The following NTM variants were observed in gnomAD, a reference collection of about 807,000 sequenced individuals.
NTM encodes neurotrimin.
In NTM, 13 loss-of-function variants were observed where a neutral mutation model predicts 42.1. The ratio of observed to expected loss-of-function variants is 0.31; its 90% CI spans 0.20 to 0.49. NTM has a LOEUF of 0.49. Ranked by LOEUF, NTM falls within the 20% of genes least tolerant of loss-of-function variation. The pLI is 0.99. For synonymous variants in NTM, 187 were observed against 179.2 expected, an observed-to-expected ratio of 1.04 and a Z score of -0.35; for missense variants, 373 against 452.8, an observed-to-expected ratio of 0.82 and a Z score of 1.60.
At chr11:132,085,076 A>T (rs986397585) in intron 2 of NTM, among the ~76,000 whole-genome samples, 3 of 152,198 alleles carry the variant, frequency 2.0e-5, no homozygotes, top group African/African-American at 7.2e-5. Context: ...TTTTGTTTGC[A>T]AGATTAATTT....
Position 132,142,167 on chromosome 11 carries a change from G to A in NTM, c.168-4115G>A, listed in dbSNP as rs386759054. ...TGCAGGTCTGATCTGGGAACATCCC[G>A]CCCTTTTGATCGCCCATCTCCCACC... On this transcript the variant is annotated intron_variant, in intron 2 of 8. Transcript: ENST00000683400. Among the ~76,000 whole-genome samples the A allele has an allele frequency of 4.3e-4, 65 of 152,290 alleles. 1 individual carries two copies. The highest frequency in any genetic ancestry group is 1.3e-3 in the African/African-American group (52 of 41,542).
intron 2 of NTM, among the ~76,000 whole-genome samples, chr11:132,080,809 G>C (rs2058945691): frequency 6.6e-6 from 1 of 152,188 alleles, no homozygotes; most frequent in Non-Finnish European, 1.5e-5. Flanking sequence ...TTCATATGAT[G>C]CTTTTCTGAG....
intron 1 of NTM, among the ~76,000 whole-genome samples, chr11:131,458,628 A>G (rs1951110896): frequency 6.6e-6 from 1 of 152,192 alleles, no homozygotes; most frequent in African/African-American, 2.4e-5. Flanking sequence ...TGTTACTCAC[A>G]TTTGTGTCTT....
intron 1 of NTM, among the ~76,000 whole-genome samples, chr11:131,641,947 G>A (rs1034772822): frequency 6.6e-6 from 1 of 151,946 alleles, no homozygotes; most frequent in Admixed American, 6.6e-5. Flanking sequence ...GGATGGTCTC[G>A]ATCTCCTGAC....
intron 7 of NTM, among the ~76,000 whole-genome samples, chr11:132,316,071 C>A (rs1307062497): frequency 6.6e-6 from 1 of 152,216 alleles, no homozygotes; most frequent in South Asian, 2.1e-4. Context: ...CCAAGTCCTG[C>A]TCTCCACCCA....
chr11:131,946,692 A>G (rs2060381488), intron 2 of NTM, among the ~76,000 whole-genome samples: 1 of 152,202 alleles, frequency 6.6e-6, no homozygotes, highest in Admixed American at 6.5e-5. Flanking sequence ...TATGTTCCAT[A>G]TATTGATCTG....
intron 1 of NTM, among the ~76,000 whole-genome samples, chr11:131,472,153 G>A (rs1952496452): frequency 6.6e-6 from 1 of 152,132 alleles, no homozygotes; most frequent in South Asian, 2.1e-4. Context: ...TGGCATCAGC[G>A]GGATTCCCTT....
chr11:131,864,487 G>A (rs1207641870), intron 1 of NTM, among the ~76,000 whole-genome samples: 2 of 152,188 alleles, frequency 1.3e-5, no homozygotes, highest in Non-Finnish European at 2.9e-5. Context: ...CCCTCTTGCT[G>A]TAAATGGATT....
At chr11:132,243,159 A>G (rs79592005) in intron 4 of NTM, among the ~76,000 whole-genome samples, 1,841 of 152,308 alleles carry the variant, frequency 0.012, 21 homozygotes, top group African/African-American at 0.034. Context: ...CTTCATATGC[A>G]AATGAAGAGC....
intron 2 of NTM, among the ~76,000 whole-genome samples, chr11:132,000,647 G>A (rs934919655): frequency 1.3e-5 from 2 of 152,154 alleles, no homozygotes; most frequent in Non-Finnish European, 2.9e-5. Context: ...AGTCTGCTTT[G>A]ATCGTTCCTC....
rs77345017 is a variant in NTM at position 132,276,994 on chromosome 11, T to A, written c.527-30695T>A. 6.7e-3 allele frequency among the ~76,000 whole-genome samples: 1,015 copies of A among 152,328 alleles called. 12 individuals carry two copies. Among genetic ancestry groups the A allele is most frequent in the African/African-American group, 0.023 (943 of 41,566 alleles). On this transcript the variant is annotated intron_variant, in intron 4 of 8. Transcript: ENST00000683400. Reference sequence around the variant, plus strand: ...TATATAGAAATACAACTGATTTTTTTATGTTGATTTTGCATTTTGTGACTT... The same window carrying A: ...TATATAGAAATACAACTGATTTTTTAATGTTGATTTTGCATTTTGTGACTT...
At chr11:131,445,831 G>A (rs370085046) in intron 1 of NTM, among the ~76,000 whole-genome samples, 16 of 152,224 alleles carry the variant, frequency 1.1e-4, no homozygotes, top group South Asian at 2.1e-4. Flanking sequence ...AAAACCCACC[G>A]GTCAAATGCA....
intron 3 of NTM, among the ~76,000 whole-genome samples, chr11:132,197,424 A>C (rs2080420088): frequency 6.6e-6 from 1 of 151,792 alleles, no homozygotes; most frequent in African/African-American, 2.4e-5. Flanking sequence ...TATGTAAATA[A>C]TCTAAATTAC....
At chr11:131,634,827 T>C (rs1046284163) in intron 1 of NTM, among the ~76,000 whole-genome samples, 1 of 152,202 alleles carries the variant, frequency 6.6e-6, no homozygotes, top group Non-Finnish European at 1.5e-5. Context: ...TACTTGTAAA[T>C]ATTACAAATA....
chr11:131,594,859 T>C (rs1297739282), intron 1 of NTM, among the ~76,000 whole-genome samples: 1 of 152,204 alleles, frequency 6.6e-6, no homozygotes, highest in Admixed American at 6.5e-5. Context: ...CCATGTACTC[T>C]AAATATTGCA....
rs181239618 is a variant in NTM, at chr11:131,473,419, A to C, written c.82+102531A>C. On this transcript the variant is annotated intron_variant, in intron 1 of 8. Transcript: ENST00000683400. ...TGAATCAATAGGTGAAGGCGTATTC[A>C]TCAGACACAAACTCATGCATTTTTT... Among the ~76,000 whole-genome samples the C allele has an allele frequency of 2.0e-5, 3 of 152,326 alleles. No individual in the cohort carries two copies. The East Asian group carries it at 5.8e-4, about 29-fold the overall frequency.
chr11:131,682,861 C>A (rs2073201760), intron 1 of NTM, among the ~76,000 whole-genome samples: 1 of 151,816 alleles, frequency 6.6e-6, no homozygotes, highest in Admixed American at 6.6e-5. Flanking sequence ...CCGCTGTTTC[C>A]TGGGAAGCAT....
At chr11:131,656,396 G>A (rs887436033) in intron 1 of NTM, among the ~76,000 whole-genome samples, 31 of 152,328 alleles carry the variant, frequency 2.0e-4, no homozygotes, top group South Asian at 1.7e-3. Flanking sequence ...AGCAACTCTC[G>A]CTTTCTTTTC....
chr11:131,550,471 G>A (rs1246004791), intron 1 of NTM, among the ~76,000 whole-genome samples: 1 of 152,126 alleles, frequency 6.6e-6, no homozygotes, highest in African/African-American at 2.4e-5. Context: ...CATAGTGGGT[G>A]CGTTATCATG....
Sources: gnomAD v4.1 joint callset for allele counts (sites outside exome capture counted in the v4.1 genomes callset) on GRCh38, gnomAD v4.1.1 for gene constraint, MANE v1.5 for transcripts, NCBI Gene and HGNC (gene_info 2026-07-23, HGNC 2026-07-21) for gene names.